Variants in BEND7 observed in about 807,000 individuals in gnomAD.
BEND7 encodes BEN domain containing 7.
Under a neutral mutation model 50.9 loss-of-function variants are expected in BEND7, and 28 were observed. That is an observed-to-expected ratio of 0.55 (90% confidence interval 0.41 to 0.75). BEND7 has a LOEUF of 0.75. BEND7 is among the 30% of genes least tolerant of loss of function. The probability of loss-of-function intolerance (pLI) is 0.00; values close to 1 mark genes in which losing one functional copy is unlikely to be tolerated. For synonymous variants in BEND7, 170 were observed against 183.9 expected, an observed-to-expected ratio of 0.92 and a Z score of 0.61; for missense variants, 477 against 491.3, an observed-to-expected ratio of 0.97 and a Z score of 0.28.
chr10:13,438,565 C>CG (rs1438755796), downstream of BEND7: 2 of 152,130 alleles, frequency 1.3e-5, no homozygotes, highest in Non-Finnish European at 2.9e-5. Context: ...ATATTACTTT[C>CG]GGGGGGATAA....
chr10:13,526,411 G>A lies in BEND7; in HGVS notation c.62-190C>T, dbSNP rs547316503. ...TAAAACTTTGCTTATTCTGGAGTAC[G>A]CAAACTTGAAAGATTACTTTGGCTT... On this transcript the variant is annotated intron_variant, in intron 1 of 8. Transcript: ENST00000466271. Among the ~76,000 whole-genome samples the A allele has an allele frequency of 4.1e-4, 62 of 152,200 alleles. 1 individual carries two copies. In the Middle Eastern group the frequency reaches 0.017, roughly 42 times the overall value.
intron 7 of BEND7, among the ~76,000 whole-genome samples, chr10:13,449,058 A>G (rs1837103988): frequency 1.3e-5 from 2 of 152,020 alleles, no homozygotes; most frequent in Non-Finnish European, 1.5e-5. Flanking sequence ...TGTGATTAAG[A>G]TTCTGGAAAC....
chr10:13,451,190 CTTT>C (rs34416134), intron 7 of BEND7, among the ~76,000 whole-genome samples: 1 of 142,384 alleles, frequency 7.0e-6, no homozygotes, highest in African/African-American at 2.6e-5. Flanking sequence ...ATTTCTCCAC[CTTT>C]TTTTTTTTTT....
At chr10:13,442,740 G>C (rs1835520381) in intron 8 of BEND7, 1 of 152,156 alleles carries the variant, frequency 6.6e-6, no homozygotes, top group Non-Finnish European at 1.5e-5. Context: ...TTTTGTCATT[G>C]TGTTGACGCA....
At chr10:13,447,141 G>C in intron 8 of BEND7, 125 bp downstream of exon 8, 1 of 872,116 alleles carries the variant, frequency 1.1e-6, no homozygotes, top group East Asian at 2.5e-5. Flanking sequence ...GACGGGGCCT[G>C]GTCCACTGCA....
chr10:13,529,578 G>A (rs545109559), upstream of BEND7, among the ~76,000 whole-genome samples: 254 of 152,286 alleles, frequency 1.7e-3, 1 homozygote, highest in Non-Finnish European at 2.2e-3. Flanking sequence ...TGGAATGGGG[G>A]GCTTGGTGGC....
At chr10:13,458,999 T>C (rs926899094) in intron 6 of BEND7, among the ~76,000 whole-genome samples, 5 of 152,246 alleles carry the variant, frequency 3.3e-5, no homozygotes, top group Admixed American at 6.5e-5. Flanking sequence ...AATCCAAGTA[T>C]GGGCAGCTTA....
intron 3 of BEND7, among the ~76,000 whole-genome samples, chr10:13,497,781 G>A (rs772461237): frequency 7.2e-5 from 11 of 152,076 alleles, no homozygotes; most frequent in Non-Finnish European, 1.2e-4. Flanking sequence ...GACTTCCAGC[G>A]CTCACATTGT....
downstream of BEND7, chr10:13,440,959 C>T (rs1001034211): frequency 4.6e-6 from 2 of 435,250 alleles, no homozygotes; most frequent in Non-Finnish European, 6.1e-6. Flanking sequence ...TAAAAATTAA[C>T]TTCATCAGGA....
At chr10:13,473,640 C>T (rs927400671) in intron 6 of BEND7, among the ~76,000 whole-genome samples, 9 of 145,708 alleles carry the variant, frequency 6.2e-5, no homozygotes, top group Non-Finnish European at 1.2e-4. Flanking sequence ...GATTCGTCAT[C>T]GCTGTGAGAC....
At chr10:13,513,016 C>A (rs191788939) in intron 2 of BEND7, among the ~76,000 whole-genome samples, 36 of 152,298 alleles carry the variant, frequency 2.4e-4, no homozygotes, top group Non-Finnish European at 4.1e-4. Context: ...TGACCTAGAA[C>A]GCACATACAG....
In BEND7 at chr10:13,492,851, A is replaced by G. The variant is rs2251555; in HGVS notation, c.597T>C (p.Pro199=). 904,948 of 1,600,664 alleles carry G rather than the reference A, an allele frequency of 0.57. 259,330 individuals are homozygous for G. Among genetic ancestry groups the G allele is most frequent in the Non-Finnish European group, 0.59 (694,996 of 1,176,994 alleles). Residue 199 remains proline (P), a synonymous_variant, in exon 5 of 9, where the codon CCT becomes CCC. Transcript: ENST00000466271. ...GCTGGGAGCATATAAGGGAAATTGG[A>G]GGTTGTTGTCTGTTTTGAGTTCCAA... The part of the protein sequence containing the change: ...QAVGTQNRQQ[P]PISLICSQRT...
At chr10:13,473,715 G>C (rs1050779487) in intron 6 of BEND7, among the ~76,000 whole-genome samples, 3 of 151,116 alleles carry the variant, frequency 2.0e-5, no homozygotes, top group Admixed American at 6.6e-5. Flanking sequence ...TGTTAGATTT[G>C]GGGTCGATAC....
Position 13,492,991 on chromosome 10 carries a change from A to G in BEND7, c.572-115T>C, listed in dbSNP as rs1326101666. ...AAACCGAAACGAGGAAAACTCCAGG[A>G]TGAAGCACACTAAATAAATCTCCAA... On this transcript the variant is annotated intron_variant, in intron 4 of 8. Coordinates refer to ENST00000466271, the MANE Select transcript of BEND7 (RefSeq NM_001369863.1). 5 of 1,239,576 alleles carry G rather than the reference A, an allele frequency of 4.0e-6. No individual in the cohort carries two copies. In the African/African-American group the frequency reaches 6.1e-5, roughly 15 times the overall value. The allele number at this position is 1,239,576 out of a possible 1,614,324, so 76.8% of individuals were successfully genotyped here. A position where few individuals can be genotyped will look rare whatever the true frequency, so the allele number is the denominator to read the frequency against.
chr10:13,519,659 C>G (rs1373001370), intron 2 of BEND7, among the ~76,000 whole-genome samples: 1 of 152,030 alleles, frequency 6.6e-6, no homozygotes, highest in Non-Finnish European at 1.5e-5. Context: ...TGAGGAAAAC[C>G]CCTCAAGAGT....
intron 5 of BEND7, among the ~76,000 whole-genome samples, chr10:13,490,095 C>G (rs1456320655): frequency 6.6e-6 from 1 of 152,192 alleles, no homozygotes; most frequent in South Asian, 2.1e-4. Flanking sequence ...AGTGGCTGAT[C>G]TGCCATGATT....
intron 2 of BEND7, among the ~76,000 whole-genome samples, chr10:13,505,783 C>T (rs894407234): frequency 2.0e-5 from 3 of 152,146 alleles, no homozygotes; most frequent in African/African-American, 7.2e-5. Flanking sequence ...CATCTATATG[C>T]CTCCTTATTA....
chr10:13,497,482 C>T (rs939695162), intron 3 of BEND7, among the ~76,000 whole-genome samples: 7 of 152,096 alleles, frequency 4.6e-5, no homozygotes, highest in African/African-American at 1.2e-4. Context: ...GAATTGGATG[C>T]GTTCGAGGGT....
chr10:13,514,359 C>T (rs941971772), intron 2 of BEND7, among the ~76,000 whole-genome samples: 6 of 152,188 alleles, frequency 3.9e-5, no homozygotes, highest in Non-Finnish European at 7.4e-5. Flanking sequence ...CGGAGGCATC[C>T]GTGCAGTTCT....
Sources: gnomAD v4.1 joint callset for allele counts (sites outside exome capture counted in the v4.1 genomes callset) on GRCh38, gnomAD v4.1.1 for gene constraint, MANE v1.5 for transcripts, NCBI Gene and HGNC (gene_info 2026-07-23, HGNC 2026-07-21) for gene names.